Variants in MCTP2 observed in about 807,000 individuals in gnomAD.
The protein encoded by MCTP2 is multiple C2 and transmembrane domain containing 2.
A neutral mutation model predicts 111.6 loss-of-function variants in MCTP2; 132 were observed. That is an observed-to-expected ratio of 1.18 (90% CI 1.03 to 1.37). The LOEUF (loss-of-function observed/expected upper bound fraction) is 1.37. Among genes scored for constraint, MCTP2 ranks in the 40% most tolerant of loss-of-function variants. MCTP2 has a pLI of 0.00. For missense variants in MCTP2, 1,183 were observed against 1,067.9 expected, an observed-to-expected ratio of 1.11 and a Z score of -1.50; for synonymous variants, 395 against 387.7, an observed-to-expected ratio of 1.02 and a Z score of -0.22.
intron 2 of MCTP2, among the ~76,000 whole-genome samples, chr15:94,301,302 C>G (rs1196549496): frequency 2.6e-5 from 4 of 152,136 alleles, no homozygotes; most frequent in Non-Finnish European, 5.9e-5. Flanking sequence ...CCCTTGCAGT[C>G]TAGTTCTGCC....
rs577377944 is a variant in MCTP2, at chr15:94,413,015, A to G, written c.2085+10996A>G. ...ATTTTTGATAATCTACATGTTTTCA[A>G]AAAATTGATTTCCTGGAAATTTAAT... On this transcript the variant is annotated intron_variant, in intron 17 of 22. Coordinates refer to ENST00000357742, the MANE Select transcript of MCTP2 (RefSeq NM_001385001.1). Among the ~76,000 whole-genome samples, 5 of 152,356 alleles carry G rather than the reference A, an allele frequency of 3.3e-5. No homozygotes were observed. The South Asian group carries it at 6.2e-4, about 19-fold the overall frequency.
At chr15:94,244,382 A>G (rs2071548915) in intron 1 of MCTP2, among the ~76,000 whole-genome samples, 1 of 149,890 alleles carries the variant, frequency 6.7e-6, no homozygotes. Flanking sequence ...GTATATGTAT[A>G]CACATAAATA....
chr15:94,333,910 C>A (rs115203699), intron 4 of MCTP2, among the ~76,000 whole-genome samples: 1 of 151,994 alleles, frequency 6.6e-6, no homozygotes, highest in African/African-American at 2.4e-5. Flanking sequence ...AGAATCCCTG[C>A]GAGAAGTAAG....
At chr15:94,410,217 C>T (rs1299793077) in intron 17 of MCTP2, among the ~76,000 whole-genome samples, 2 of 152,156 alleles carry the variant, frequency 1.3e-5, no homozygotes, top group Non-Finnish European at 1.5e-5. Flanking sequence ...CACACACACT[C>T]ATGTGCTATT....
Position 94,315,620 on chromosome 15 carries a change from T to G in MCTP2, c.620T>G (p.Val207Gly), listed in dbSNP as rs768342134. The G allele has an allele frequency of 1.7e-5, 28 of 1,613,866 alleles. No homozygotes were observed. In the Middle Eastern group the frequency reaches 4.9e-4, roughly 28 times the overall value. The change falls in exon 4 of 23, where the codon GTT (valine) becomes GGT (glycine). Residue 207 changes from valine (V) to glycine (G), a missense_variant. Transcript: ENST00000357742. Reference protein sequence around the residue: ...TIHLKEGRNLVVRDRCGTSDP... With the variant: ...TIHLKEGRNLGVRDRCGTSDP... ...CACCTGAAGGAAGGCCGGAACCTGG[T>G]TGTCCGAGATCGCTGTGGTAAGACC...
intron 4 of MCTP2, among the ~76,000 whole-genome samples, chr15:94,315,950 T>C (rs1294809245): frequency 6.6e-6 from 1 of 152,214 alleles, no homozygotes; most frequent in Non-Finnish European, 1.5e-5. Context: ...TCAATCCTAC[T>C]TTAATTATTC....
intron 4 of MCTP2, among the ~76,000 whole-genome samples, chr15:94,318,651 A>C (rs1372250596): frequency 6.6e-6 from 1 of 151,762 alleles, no homozygotes; most frequent in Non-Finnish European, 1.5e-5. Flanking sequence ...AGCTTTCTCC[A>C]TTTTTTTCTA....
intron 4 of MCTP2, among the ~76,000 whole-genome samples, chr15:94,336,552 C>T (rs2077369316): frequency 1.3e-5 from 2 of 152,020 alleles, no homozygotes; most frequent in African/African-American, 4.8e-5. Context: ...AACATCGAGG[C>T]AGACATGATG....
chr15:94,240,460 T>C (rs2070866445), intron 1 of MCTP2, among the ~76,000 whole-genome samples: 1 of 152,132 alleles, frequency 6.6e-6, no homozygotes, highest in East Asian at 1.9e-4. Flanking sequence ...ACTTGAGGGG[T>C]TTCAAGACCC....
chr15:94,466,816 C>CT (rs1276139313), intron 20 of MCTP2, among the ~76,000 whole-genome samples: 1 of 151,842 alleles, frequency 6.6e-6, no homozygotes, highest in East Asian at 1.9e-4. Context: ...CTAGTCATGG[C>CT]TTTTTTTCTG....
intron 2 of MCTP2, among the ~76,000 whole-genome samples, chr15:94,311,185 C>T (rs753391046): frequency 5.9e-5 from 9 of 151,640 alleles, no homozygotes; most frequent in East Asian, 1.9e-4. Context: ...CCACCACACC[C>T]GGCTAATTTT....
chr15:94,299,441 A>T (rs2075490924), intron 2 of MCTP2, among the ~76,000 whole-genome samples: 1 of 152,130 alleles, frequency 6.6e-6, no homozygotes, highest in South Asian at 2.1e-4. Context: ...TTAGGATTTG[A>T]ACTTCCTTCT....
chr15:94,297,719 A>G (rs1249847097), intron 1 of MCTP2, among the ~76,000 whole-genome samples: 1 of 152,192 alleles, frequency 6.6e-6, no homozygotes, highest in African/African-American at 2.4e-5. Flanking sequence ...AGAGTTGAGT[A>G]GTAGCGACAG....
intron 2 of MCTP2, among the ~76,000 whole-genome samples, chr15:94,308,825 G>A (rs294539): frequency 3.0e-4 from 46 of 152,284 alleles, no homozygotes; most frequent in African/African-American, 1.1e-3. Context: ...AGTAGACAGC[G>A]GTGTATTTCA....
chr15:94,406,742 T>C (rs2081915299), intron 17 of MCTP2, among the ~76,000 whole-genome samples: 1 of 152,282 alleles, frequency 6.6e-6, no homozygotes, highest in Admixed American at 6.5e-5. Flanking sequence ...GACTTGTTTT[T>C]CCCCACCTTT....
intron 1 of MCTP2, among the ~76,000 whole-genome samples, chr15:94,246,152 C>A (rs144689096): frequency 6.6e-6 from 1 of 152,050 alleles, no homozygotes; most frequent in South Asian, 2.1e-4. Context: ...CTGAAGGACC[C>A]TTTGCAATGC....
chr15:94,407,730 CAGT>C (rs1265284599), intron 17 of MCTP2, among the ~76,000 whole-genome samples: 1 of 151,154 alleles, frequency 6.6e-6, no homozygotes, highest in East Asian at 1.9e-4. Context: ...TTAAAAACAA[CAGT>C]AGCAGTAATA....
At chr15:94,243,127 C>A (rs549416368) in intron 1 of MCTP2, among the ~76,000 whole-genome samples, 2 of 144,100 alleles carry the variant, frequency 1.4e-5, no homozygotes, top group Admixed American at 1.4e-4. Flanking sequence ...ATATATGTAT[C>A]TACGGGTGTG....
intron 19 of MCTP2, among the ~76,000 whole-genome samples, chr15:94,448,292 C>T (rs929679500): frequency 2.0e-5 from 3 of 152,178 alleles, no homozygotes; most frequent in Non-Finnish European, 4.4e-5. Context: ...ATTCCTAGTA[C>T]AAGTAGATCT....
Sources: allele counts gnomAD v4.1 joint callset (sites outside exome capture counted in the v4.1 genomes callset), GRCh38; gene constraint gnomAD v4.1.1; transcripts MANE v1.5; gene names NCBI Gene and HGNC (gene_info 2026-07-23, HGNC 2026-07-21).